SLC36A1: variants seen among roughly 807,000 people sequenced by gnomAD.
SLC36A1 encodes solute carrier family 36 member 1.
SLC36A1 carries 30 observed loss-of-function variants against 47.5 expected under a neutral mutation model. The observed-to-expected ratio is 0.63, with a 90% CI of 0.47 to 0.86. The LOEUF is 0.86. SLC36A1 is among the 40% of genes least tolerant of loss of function. The pLI is 0.00. For synonymous variants in SLC36A1, 255 were observed against 249.7 expected, an observed-to-expected ratio of 1.02 and a Z score of -0.20; for missense variants, 517 against 606.0, an observed-to-expected ratio of 0.85 and a Z score of 1.54.
chr5:151,503,819 T>TCAGAGCCC, the SLC36A1 span, among the ~76,000 whole-genome samples: 2 of 152,110 alleles, frequency 1.3e-5, no homozygotes, highest in African/African-American at 2.4e-5. Context: ...ACTCAGAGCC[T>TCAGAGCCC]CAGAGCCCCA....
chr5:151,507,425 C>A, the SLC36A1 span: 2 of 1,614,154 alleles, frequency 1.2e-6, no homozygotes, highest in Non-Finnish European at 1.7e-6. Flanking sequence ...GGTCTGGGTC[C>A]TCCATGGCCA....
intron 8 of SLC36A1, among the ~76,000 whole-genome samples, chr5:151,475,172 T>A (rs193114321): frequency 4.7e-4 from 71 of 152,288 alleles, no homozygotes; most frequent in African/African-American, 1.7e-3. Context: ...AGTGGGCCCA[T>A]ACTTCAGCAG....
chr5:151,477,018 G>A, intron 9 of SLC36A1: 1 of 593,502 alleles, frequency 1.7e-6, no homozygotes, highest in Non-Finnish European at 3.1e-6. Context: ...AGCTCAGAAG[G>A]ACCGAGTATC....
At chr5:151,519,632 G>T in the SLC36A1 span, among the ~76,000 whole-genome samples, 2 of 152,120 alleles carry the variant, frequency 1.3e-5, no homozygotes, top group African/African-American at 2.4e-5. Context: ...TGAGATGGTG[G>T]TCATATTCTT....
At chr5:151,439,652 CAA>C (rs1433712658) in intron 1 of SLC36A1, among the ~76,000 whole-genome samples, 1 of 103,498 alleles carries the variant, frequency 9.7e-6, no homozygotes. Context: ...GACTCCATCT[CAA>C]AAAAAAAAGA....
chr5:151,463,270 T>G (rs1044731381), intron 2 of SLC36A1, among the ~76,000 whole-genome samples: 17 of 152,180 alleles, frequency 1.1e-4, no homozygotes, highest in Non-Finnish European at 2.2e-4. Context: ...GGAGCACCCC[T>G]CTGGTCTAAT....
chr5:151,488,054 C>T lies in SLC36A1; in HGVS notation c.1231C>T (p.Leu411=). 3 of 1,614,148 alleles carry T rather than the reference C, an allele frequency of 1.9e-6. No individual in the cohort carries two copies. Among genetic ancestry groups the T allele is most frequent in the Non-Finnish European group, 2.5e-6 (3 of 1,180,022 alleles). The change falls in exon 11 of 11, where the codon CTG becomes TTG. Residue 411 remains leucine, a synonymous_variant. Coordinates refer to ENST00000243389, the MANE Select transcript of SLC36A1 (RefSeq NM_078483.4). The part of the protein sequence containing the change: ...SLVGSVSSSA[L]ALIIPPLLEV... ...GGTGGGCTCCGTGAGCAGCAGCGCC[C>T]TGGCCCTCATCATCCCACCGCTCCT...
the SLC36A1 span, chr5:151,505,999 AG>A: frequency 6.4e-7 from 1 of 1,572,712 alleles, no homozygotes; most frequent in Non-Finnish European, 8.6e-7. Flanking sequence ...CGGTGAGCCG[AG>A]GGCGGCAGAG....
chr5:151,549,858 G>A, the SLC36A1 span, among the ~76,000 whole-genome samples: 6 of 152,192 alleles, frequency 3.9e-5, no homozygotes, highest in South Asian at 2.1e-4. Context: ...TAAATTTGGG[G>A]AGCACTGAAT....
At chr5:151,543,132 A>G in the SLC36A1 span, 2 of 1,614,068 alleles carry the variant, frequency 1.2e-6, no homozygotes, top group African/African-American at 2.7e-5. Flanking sequence ...GAGGGCCTCC[A>G]TCTTGGGCTT....
chr5:151,496,130 T>C (rs1194850230), downstream of SLC36A1, among the ~76,000 whole-genome samples: 1 of 152,130 alleles, frequency 6.6e-6, no homozygotes, highest in Non-Finnish European at 1.5e-5. Context: ...GACTGATTTG[T>C]GGGGGCATGT....
the SLC36A1 span, chr5:151,537,912 A>G: frequency 6.2e-7 from 1 of 1,614,186 alleles, no homozygotes; most frequent in African/African-American, 1.3e-5. Flanking sequence ...GTGTCCTGGA[A>G]ATACATCTTC....
intron 4 of SLC36A1, 68 bp from the exon 5 acceptor site, chr5:151,465,006 T>G: frequency 1.5e-6 from 2 of 1,318,948 alleles, no homozygotes; most frequent in Non-Finnish European, 2.2e-6. Context: ...CAGTGGCTCT[T>G]TTTGTTCTGT....
At chr5:151,425,964 C>CTCTA in the SLC36A1 span, among the ~76,000 whole-genome samples, 16,898 of 148,070 alleles carry the variant, frequency 0.11, 983 homozygotes, top group Middle Eastern at 0.15. Context: ...CTCTCTCTCC[C>CTCTA]TCTATCTATC....
At chr5:151,518,274 A>AG in the SLC36A1 span, among the ~76,000 whole-genome samples, 17 of 151,980 alleles carry the variant, frequency 1.1e-4, no homozygotes, top group African/African-American at 4.1e-4. Flanking sequence ...ACTTGAGCCC[A>AG]GGAAGTCAAG....
rs9687945 is a variant in SLC36A1, at chr5:151,479,416, T to G, written c.1086T>G (p.Phe362Leu). 2.8e-3 allele frequency: 4,515 copies of G among 1,614,198 alleles called. 85 individuals carry two copies. The African/African-American group carries it at 0.048, about 17-fold the overall frequency. ...CGGCTGAGATCATCATCCCCTTCTTTGTGTCCCGAGCGCCCGAGCACTGTG... is the reference window on the plus strand; with the variant it reads ...CGGCTGAGATCATCATCCCCTTCTTGGTGTCCCGAGCGCCCGAGCACTGTG... Reference protein sequence around the residue: ...YVPAEIIIPFFVSRAPEHCEL... With the variant: ...YVPAEIIIPFLVSRAPEHCEL... The change falls in exon 10 of 11, where the codon TTT becomes TTG. Residue 362 changes from phenylalanine to leucine, a missense_variant. Transcript: ENST00000243389.
At chr5:151,356,446 G>T in the SLC36A1 span, among the ~76,000 whole-genome samples, 1 of 151,538 alleles carries the variant, frequency 6.6e-6, no homozygotes, top group Admixed American at 6.6e-5. Flanking sequence ...CACCTCCTCC[G>T]AGCTGGAGCC....
At chr5:151,400,414 A>G in the SLC36A1 span, among the ~76,000 whole-genome samples, 1 of 152,308 alleles carries the variant, frequency 6.6e-6, no homozygotes, top group Admixed American at 6.5e-5. Flanking sequence ...CAACTGATGG[A>G]CATCTAGGTT....
the SLC36A1 span, among the ~76,000 whole-genome samples, chr5:151,349,847 G>A: frequency 7.3e-5 from 11 of 151,658 alleles, no homozygotes; most frequent in Non-Finnish European, 1.2e-4. Context: ...CAGACTTGTT[G>A]AAGTAGGATA....
Sources: allele counts gnomAD v4.1 joint callset (sites outside exome capture counted in the v4.1 genomes callset), GRCh38; gene constraint gnomAD v4.1.1; transcripts MANE v1.5; gene names NCBI Gene and HGNC (gene_info 2026-07-23, HGNC 2026-07-21).